FRMD4A: variants seen among roughly 807,000 people sequenced by gnomAD.
FRMD4A encodes the protein FERM domain containing 4A.
In FRMD4A, 29 loss-of-function variants were observed where a neutral mutation model predicts 129.1. The ratio of observed to expected loss-of-function variants is 0.22; its 90% CI spans 0.17 to 0.31. The LOEUF is 0.31. Among genes scored for constraint, FRMD4A ranks in the 10% least tolerant of loss-of-function variants. FRMD4A has a pLI of 1.00. For synonymous variants in FRMD4A, 634 were observed against 571.6 expected (o/e 1.11, Z -1.56); for missense variants, 1,272 against 1,375.8 (o/e 0.92, Z 1.19).
At chr10:13,657,622 C>T (rs1242542880) in intron 21 of FRMD4A, 100 bp from the exon 22 acceptor site, 4 of 1,422,942 alleles carry the variant, frequency 2.8e-6, no homozygotes, top group Non-Finnish European at 2.8e-6. Flanking sequence ...TGGGTGTCTG[C>T]ACGCGGGCGC....
intron 2 of FRMD4A, among the ~76,000 whole-genome samples, chr10:14,163,721 G>A (rs565364122): frequency 7.2e-5 from 11 of 152,242 alleles, no homozygotes; most frequent in Non-Finnish European, 1.3e-4. Context: ...TGCCTGAGAC[G>A]TAGCAGACAG....
intron 14 of FRMD4A, among the ~76,000 whole-genome samples, chr10:13,699,235 T>TG (rs1554850808): frequency 7.4e-4 from 98 of 131,934 alleles, no homozygotes; most frequent in Middle Eastern, 7.0e-3. Flanking sequence ...TTTTTTTTTT[T>TG]TTTTTTTTTT....
At chr10:14,269,547 C>T (rs1441793654) in intron 2 of FRMD4A, among the ~76,000 whole-genome samples, 1 of 152,192 alleles carries the variant, frequency 6.6e-6, no homozygotes, top group African/African-American at 2.4e-5. Flanking sequence ...TAACATCTCT[C>T]TGACCCTACT....
chr10:13,686,037 A>G (rs1264789001), intron 15 of FRMD4A, among the ~76,000 whole-genome samples: 1 of 152,030 alleles, frequency 6.6e-6, no homozygotes, highest in East Asian at 2.0e-4. Flanking sequence ...AGAACCATCC[A>G]TTCCCCAGAA....
intron 2 of FRMD4A, among the ~76,000 whole-genome samples, chr10:14,104,709 G>C (rs61835731): frequency 6.6e-6 from 1 of 152,232 alleles, no homozygotes; most frequent in South Asian, 2.1e-4. Flanking sequence ...TGAGGTTAGA[G>C]CAAGGGAAAT....
chr10:14,173,306 C>T (rs1306888692), intron 2 of FRMD4A, among the ~76,000 whole-genome samples: 2 of 152,264 alleles, frequency 1.3e-5, no homozygotes, highest in African/African-American at 2.4e-5. Context: ...GAAAACCCCA[C>T]GTTCAAAGCG....
At chr10:13,975,144 TG>T (rs1565146151) in intron 2 of FRMD4A, among the ~76,000 whole-genome samples, 2 of 152,020 alleles carry the variant, frequency 1.3e-5, no homozygotes, top group Non-Finnish European at 2.9e-5. Flanking sequence ...CCTGTGTGTG[TG>T]TGTCTACTGT....
rs149435858 is a variant in FRMD4A at position 13,759,214 on chromosome 10, T to C, written c.464+2433A>G. On this transcript the variant is annotated intron_variant, in intron 8 of 24. Coordinates refer to ENST00000357447, the MANE Select transcript of FRMD4A (RefSeq NM_018027.5). ...TCCCCTCTCCTGACAGTGATTTCTC[T>C]TCCCAGACAGCTGCGCTTACAAACA... 3.4e-3 allele frequency among the ~76,000 whole-genome samples: 517 copies of C among 152,316 alleles called. 4 individuals are homozygous for C. Among genetic ancestry groups the C allele is most frequent in the Non-Finnish European group, 5.9e-3 (401 of 68,016 alleles).
At chr10:14,304,454 G>A (rs921669053) in intron 2 of FRMD4A, among the ~76,000 whole-genome samples, 9 of 152,142 alleles carry the variant, frequency 5.9e-5, no homozygotes, top group South Asian at 4.1e-4. Context: ...TATAGGCAGC[G>A]TCTCCTGATT....
At chr10:13,767,766 C>T (rs994926270) in intron 6 of FRMD4A, among the ~76,000 whole-genome samples, 49 of 152,250 alleles carry the variant, frequency 3.2e-4, no homozygotes, top group Middle Eastern at 3.4e-3. Flanking sequence ...CATTCCTCTG[C>T]GCTTATGCAA....
intron 2 of FRMD4A, among the ~76,000 whole-genome samples, chr10:14,255,815 G>T (rs540990331): frequency 6.6e-6 from 1 of 152,246 alleles, no homozygotes; most frequent in South Asian, 2.1e-4. Context: ...AGACCAGCCT[G>T]ACCAACATGG....
chr10:14,177,185 C>A (rs1043995408), intron 2 of FRMD4A, among the ~76,000 whole-genome samples: 16 of 152,090 alleles, frequency 1.1e-4, no homozygotes, highest in Non-Finnish European at 2.2e-4. Context: ...ATGTACCCTT[C>A]TTTTTGTTTG....
intron 2 of FRMD4A, among the ~76,000 whole-genome samples, chr10:14,261,482 T>C (rs1844798877): frequency 6.6e-6 from 1 of 152,218 alleles, no homozygotes; most frequent in Non-Finnish European, 1.5e-5. Flanking sequence ...TCTTCTTCTC[T>C]GAGGACTCAA....
At chr10:13,835,732 A>G (rs1196385243) in intron 3 of FRMD4A, among the ~76,000 whole-genome samples, 3 of 152,166 alleles carry the variant, frequency 2.0e-5, no homozygotes, top group African/African-American at 7.2e-5. Flanking sequence ...TCCCACTGAT[A>G]GGACATTATG....
At chr10:13,869,322 A>G (rs2094412792) in intron 2 of FRMD4A, among the ~76,000 whole-genome samples, 2 of 152,224 alleles carry the variant, frequency 1.3e-5, no homozygotes, top group South Asian at 4.1e-4. Context: ...TGAGGGCGTT[A>G]TGGCATCTCG....
intron 5 of FRMD4A, among the ~76,000 whole-genome samples, chr10:13,788,103 T>C (rs1027131991): frequency 4.6e-5 from 7 of 152,168 alleles, no homozygotes; most frequent in African/African-American, 9.7e-5. Context: ...ACCATGGCTT[T>C]ATGATGCTTG....
intron 2 of FRMD4A, among the ~76,000 whole-genome samples, chr10:14,131,168 C>T (rs181911839): frequency 2.7e-3 from 416 of 152,302 alleles, no homozygotes; most frequent in Middle Eastern, 0.014. Context: ...CCAAATTATA[C>T]TTTTGCTAGA....
At chr10:14,143,999 T>C (rs905905487) in intron 2 of FRMD4A, among the ~76,000 whole-genome samples, 1 of 152,158 alleles carries the variant, frequency 6.6e-6, no homozygotes, top group Non-Finnish European at 1.5e-5. Context: ...ATGCAACTTT[T>C]CCACTGAGCT....
At chr10:14,102,369 A>C (rs1049113032) in intron 2 of FRMD4A, among the ~76,000 whole-genome samples, 2 of 152,332 alleles carry the variant, frequency 1.3e-5, no homozygotes, top group Admixed American at 6.5e-5. Context: ...TCTACTAAAA[A>C]TACAAAAACT....
Sources: gnomAD v4.1 joint callset for allele counts (sites outside exome capture counted in the v4.1 genomes callset) on GRCh38, gnomAD v4.1.1 for gene constraint, MANE v1.5 for transcripts, NCBI Gene and HGNC (gene_info 2026-07-23, HGNC 2026-07-21) for gene names.